Variants in VRK2 observed in about 807,000 individuals in gnomAD.
VRK2 encodes the protein VRK serine/threonine kinase 2, also known as serine/threonine-protein kinase VRK2.
Under a neutral mutation model 57.6 loss-of-function variants are expected in VRK2, and 60 were observed. The observed-to-expected ratio is 1.04, with a 90% CI of 0.85 to 1.29. The LOEUF (loss-of-function observed/expected upper bound fraction) is 1.29. Among genes scored for constraint, VRK2 ranks in the 50% most tolerant of loss-of-function variants. VRK2 has a pLI of 0.00. For synonymous variants in VRK2, 231 were observed against 199.2 expected (o/e 1.16, Z -1.35); for missense variants, 705 against 588.1 (o/e 1.20, Z -2.06).
chr2:58,014,702 C>A (rs987640447), intron 1 of VRK2, among the ~76,000 whole-genome samples: 2 of 152,152 alleles, frequency 1.3e-5, no homozygotes, highest in African/African-American at 4.8e-5. Flanking sequence ...CGGCATGATT[C>A]TCGCCTTTGA....
intron 7 of VRK2, among the ~76,000 whole-genome samples, chr2:58,108,224 G>GA (rs1422674648): frequency 1.1e-4 from 16 of 151,924 alleles, no homozygotes; most frequent in Admixed American, 3.9e-4. Flanking sequence ...AGTTGTCTTT[G>GA]ACTCTCTTTC....
chr2:57,959,978 G>C (rs1558513382), intron 1 of VRK2, among the ~76,000 whole-genome samples: 1 of 151,092 alleles, frequency 6.6e-6, no homozygotes. Flanking sequence ...CCGAGCCCTG[G>C]GGTGAGAAAT....
chr2:58,112,530 C>T (rs949289213), intron 7 of VRK2, among the ~76,000 whole-genome samples: 5 of 150,942 alleles, frequency 3.3e-5, no homozygotes, highest in African/African-American at 7.4e-5. Context: ...TTCTCTTCCA[C>T]GCTTCTCTGA....
Position 58,159,635 on chromosome 2 carries a change from A to C in VRK2, c.1469A>C (p.Tyr490Ser). 1 of 1,613,794 alleles carries C rather than the reference A, an allele frequency of 6.2e-7. No homozygotes were observed. The highest frequency in any genetic ancestry group is 8.5e-7 in the Non-Finnish European group (1 of 1,179,776). ...GAGACAAACGCAGATGTTTATTATT[A>C]TCGCATCATCATACCTGTCCTTTTG... ...SEETNADVYYYRIIIPVLLML... is the reference protein window; with the variant it reads ...SEETNADVYYSRIIIPVLLML... Residue 490 changes from tyrosine to serine, a missense_variant, in exon 13 of 13, where the codon TAT becomes TCT. Transcript: ENST00000340157.
intron 12 of VRK2, among the ~76,000 whole-genome samples, chr2:58,157,394 G>A (rs1024983983): frequency 6.4e-4 from 98 of 152,152 alleles, no homozygotes; most frequent in African/African-American, 2.3e-3. Flanking sequence ...CTGTGATGTA[G>A]GATGTTTCGC....
chr2:57,954,705 T>C (rs2103984591), intron 1 of VRK2, among the ~76,000 whole-genome samples: 1 of 152,158 alleles, frequency 6.6e-6, no homozygotes, highest in Non-Finnish European at 1.5e-5. Flanking sequence ...CTAATCATAG[T>C]CTGCATACGC....
chr2:58,136,844 T>TTATATATATATGTGTATA (rs200465855), intron 10 of VRK2, among the ~76,000 whole-genome samples: 2 of 133,884 alleles, frequency 1.5e-5, no homozygotes, highest in African/African-American at 6.3e-5. Context: ...ATCATATATA[T>TTATATATATATGTGTATA]TATATCATAT....
At chr2:58,144,294 G>A (rs1681791807) in intron 11 of VRK2, among the ~76,000 whole-genome samples, 1 of 151,974 alleles carries the variant, frequency 6.6e-6, no homozygotes, top group Admixed American at 6.6e-5. Flanking sequence ...TCAGTTATAA[G>A]ATGAATGAGT....
intron 1 of VRK2, among the ~76,000 whole-genome samples, chr2:57,972,833 G>T (rs2104025130): frequency 6.6e-6 from 1 of 151,746 alleles, no homozygotes; most frequent in South Asian, 2.1e-4. Context: ...CCTATACTAA[G>T]AATTATTCCA....
intron 1 of VRK2, among the ~76,000 whole-genome samples, chr2:58,020,013 T>C (rs1363454308): frequency 1.3e-5 from 2 of 152,192 alleles, no homozygotes; most frequent in Non-Finnish European, 2.9e-5. Flanking sequence ...TATTAAAACA[T>C]GTAGAAGGTC....
chr2:57,996,202 G>A (rs949541828), intron 1 of VRK2, among the ~76,000 whole-genome samples: 3 of 152,146 alleles, frequency 2.0e-5, no homozygotes, highest in African/African-American at 7.2e-5. Flanking sequence ...AGTTGAGGAT[G>A]GGGGTGTCCT....
chr2:58,050,348 G>T lies in VRK2; in HGVS notation c.136+1381G>T, dbSNP rs1675528425. Among the ~76,000 whole-genome samples, 3 of 152,134 alleles carry T rather than the reference G, an allele frequency of 2.0e-5. No homozygotes were observed. The South Asian group carries it at 6.2e-4, about 32-fold the overall frequency. ...CTCATATGCTCAGTAACTACATGTG[G>T]CTGCTGTATAGAATAGTGCAAATAA... On this transcript the variant is annotated intron_variant, in intron 2 of 12. Coordinates refer to ENST00000340157, the MANE Select transcript of VRK2 (RefSeq NM_006296.7).
rs542597169 is a variant in VRK2 at position 57,910,020 on chromosome 2, C to G, written c.-439+2181C>G. On this transcript the variant is annotated intron_variant, in intron 1 of 15. Coordinates refer to the VRK2 transcript ENST00000417641. ...ATAGTCAATTTATAAAAAATAAAAT[C>G]TTTTATTCCAGATTAAAATGGTAAA... 2.8e-4 allele frequency among the ~76,000 whole-genome samples: 43 copies of G among 151,702 alleles called. 2 individuals are homozygous for G. The South Asian group carries it at 8.9e-3, about 31-fold the overall frequency.
At chr2:58,130,692 A>G (rs1192202124) in intron 8 of VRK2, among the ~76,000 whole-genome samples, 1 of 152,186 alleles carries the variant, frequency 6.6e-6, no homozygotes, top group African/African-American at 2.4e-5. Flanking sequence ...CATGAAAGAT[A>G]ATAAAATAGG....
chr2:57,980,844 A>G (rs1411651318), intron 1 of VRK2, among the ~76,000 whole-genome samples: 1 of 152,028 alleles, frequency 6.6e-6, no homozygotes, highest in Non-Finnish European at 1.5e-5. Context: ...TAAAATAAGA[A>G]TAGCAACGCT....
intron 1 of VRK2, among the ~76,000 whole-genome samples, chr2:57,997,700 T>G (rs1672967048): frequency 1.3e-5 from 2 of 152,008 alleles, no homozygotes; most frequent in Non-Finnish European, 2.9e-5. Flanking sequence ...CTCAGCAGTT[T>G]GAGACCAGCC....
At chr2:57,919,332 T>G (rs1408149541) in intron 1 of VRK2, among the ~76,000 whole-genome samples, 2 of 152,116 alleles carry the variant, frequency 1.3e-5, no homozygotes, top group Non-Finnish European at 2.9e-5. Flanking sequence ...TAAACAATAT[T>G]TCTCTTAAAA....
intron 4 of VRK2, among the ~76,000 whole-genome samples, chr2:58,085,767 G>T (rs180921548): frequency 1.3e-5 from 2 of 151,694 alleles, no homozygotes; most frequent in African/African-American, 4.8e-5. Context: ...TATCAGTAGA[G>T]CTGTCTTAAA....
chr2:58,041,700 A>G (rs918706259), upstream of VRK2, among the ~76,000 whole-genome samples: 5 of 152,200 alleles, frequency 3.3e-5, no homozygotes, highest in South Asian at 8.3e-4. Flanking sequence ...CCAGAAGAGA[A>G]TTAACTAAGA....
Sources: allele counts gnomAD v4.1 joint callset (sites outside exome capture counted in the v4.1 genomes callset), GRCh38; gene constraint gnomAD v4.1.1; transcripts MANE v1.5; gene names NCBI Gene and HGNC (gene_info 2026-07-23, HGNC 2026-07-21).